Variants in CMSS1 observed in about 807,000 individuals in gnomAD.
CMSS1 encodes the protein cms1 ribosomal small subunit homolog, also known as protein CMSS1.
CMSS1 carries 33 observed loss-of-function variants against 43.5 expected under a neutral mutation model. That is an observed-to-expected ratio of 0.76 (90% CI 0.57 to 1.01). The LOEUF is 1.01. Among genes scored for constraint, CMSS1 ranks in the 50% least tolerant of loss-of-function variants. CMSS1 has a pLI of 0.00. For missense variants in CMSS1, 313 were observed against 326.4 expected (o/e 0.96, Z 0.32); for synonymous variants, 115 against 117.2 (o/e 0.98, Z 0.12).
intron 1 of CMSS1, among the ~76,000 whole-genome samples, chr3:100,080,903 G>T: frequency 6.6e-6 from 1 of 152,188 alleles, no homozygotes; most frequent in South Asian, 2.1e-4. Flanking sequence ...TTTGAAACCA[G>T]CCCATGGTTC....
At chr3:100,081,356 C>T (rs2065929153) in intron 1 of CMSS1, among the ~76,000 whole-genome samples, 1 of 152,174 alleles carries the variant, frequency 6.6e-6, no homozygotes, top group African/African-American at 2.4e-5. Flanking sequence ...CACTGATGGT[C>T]AGTTTATGCT....
intron 2 of CMSS1, among the ~76,000 whole-genome samples, chr3:100,150,287 G>C (rs1390309119): frequency 6.6e-6 from 1 of 152,078 alleles, no homozygotes; most frequent in East Asian, 1.9e-4. Flanking sequence ...GCTCTTATTT[G>C]GCAGATATGA....
chr3:99,827,388 C>T (rs570221616), intron 1 of CMSS1, among the ~76,000 whole-genome samples: 7 of 152,014 alleles, frequency 4.6e-5, no homozygotes, highest in Admixed American at 2.6e-4. Context: ...GATGGAATTT[C>T]GCCATGTTGA....
At chr3:99,860,377 G>C (rs1418429655) in intron 1 of CMSS1, among the ~76,000 whole-genome samples, 1 of 152,134 alleles carries the variant, frequency 6.6e-6, no homozygotes, top group Non-Finnish European at 1.5e-5. Flanking sequence ...TAAGGAGCTT[G>C]GTAGCTTTTA....
At chr3:100,009,516 C>T (rs546165120) in intron 1 of CMSS1, among the ~76,000 whole-genome samples, 4 of 152,038 alleles carry the variant, frequency 2.6e-5, no homozygotes, top group Non-Finnish European at 5.9e-5. Context: ...GGGAAACTTT[C>T]GTCACCTCCA....
chr3:99,949,893 T>C (rs1034116192), intron 1 of CMSS1, among the ~76,000 whole-genome samples: 1 of 152,174 alleles, frequency 6.6e-6, no homozygotes, highest in African/African-American at 2.4e-5. Flanking sequence ...TAATCAGCTG[T>C]GTGTGTGTTA....
Position 100,159,506 on chromosome 3 carries a change from A to G in CMSS1, c.154-924A>G, listed in dbSNP as rs182143630. On this transcript the variant is annotated intron_variant, in intron 2 of 9. Transcript: ENST00000421999. Reference sequence around the variant, plus strand: ...ACAAGATTGCTTTAGTTAGTAGCTTATCAGTTTAAACTGAGTATTCTCTGG... The same window carrying G: ...ACAAGATTGCTTTAGTTAGTAGCTTGTCAGTTTAAACTGAGTATTCTCTGG... Among the ~76,000 whole-genome samples, 245 of 152,338 alleles carry G rather than the reference A, an allele frequency of 1.6e-3. 1 individual carries two copies. The highest frequency in any genetic ancestry group is 0.014 in the Middle Eastern group (4 of 294).
intron 1 of CMSS1, among the ~76,000 whole-genome samples, chr3:99,998,174 A>G (rs1395647919): frequency 1.3e-5 from 2 of 152,232 alleles, no homozygotes; most frequent in Non-Finnish European, 2.9e-5. Flanking sequence ...CTGAAAAGTT[A>G]TTAATGGCAA....
At chr3:99,828,614 C>CT (rs34266466) in intron 1 of CMSS1, among the ~76,000 whole-genome samples, 7,747 of 132,990 alleles carry the variant, frequency 0.058, 291 homozygotes, top group Non-Finnish European at 0.082. Flanking sequence ...CCACACCTGG[C>CT]TTTTTTTTTT....
chr3:99,849,829 G>C, intron 1 of CMSS1: 1 of 1,611,222 alleles, frequency 6.2e-7, no homozygotes, highest in African/African-American at 1.3e-5. Context: ...GTGTAATGCT[G>C]TTGTGGATTT....
chr3:100,053,522 C>T (rs545995688), intron 1 of CMSS1, among the ~76,000 whole-genome samples: 2 of 152,258 alleles, frequency 1.3e-5, no homozygotes, highest in South Asian at 4.1e-4. Context: ...TGGATTGGGG[C>T]CTACCCTAAT....
intron 1 of CMSS1, chr3:99,930,685 T>C (rs182910350): frequency 1.9e-5 from 27 of 1,436,972 alleles, no homozygotes; most frequent in African/African-American, 4.2e-5. Flanking sequence ...ACCACAGATA[T>C]CTATTTCTGT....
chr3:100,055,147 C>T (rs2065443200), intron 1 of CMSS1, among the ~76,000 whole-genome samples: 1 of 152,174 alleles, frequency 6.6e-6, no homozygotes, highest in South Asian at 2.1e-4. Context: ...CTCAGCAGCT[C>T]CTATCCCAAT....
chr3:100,024,511 C>A (rs1248612508), intron 1 of CMSS1, among the ~76,000 whole-genome samples: 1 of 152,104 alleles, frequency 6.6e-6, no homozygotes, highest in African/African-American at 2.4e-5. Flanking sequence ...TTAGACTATT[C>A]AATGTACCTT....
rs534702049 is a variant in CMSS1, at chr3:100,085,709, T to C, written c.65-61264T>C. On this transcript the variant is annotated intron_variant, in intron 1 of 9. Transcript: ENST00000421999. ...CTGAAGTACTCTTCAGCCACTGCAGTGTTCTGTCATTTTTGTCTGTCATCT... is the reference window on the plus strand; with the variant it reads ...CTGAAGTACTCTTCAGCCACTGCAGCGTTCTGTCATTTTTGTCTGTCATCT... 3.5e-4 allele frequency among the ~76,000 whole-genome samples: 54 copies of C among 152,282 alleles called. No homozygotes were observed. In the South Asian group the frequency reaches 0.011, roughly 32 times the overall value.
chr3:99,879,683 C>A (rs1410817245), intron 1 of CMSS1, among the ~76,000 whole-genome samples: 1 of 152,150 alleles, frequency 6.6e-6, no homozygotes, highest in Non-Finnish European at 1.5e-5. Context: ...CGCTCTGCTC[C>A]CTAGGAGCTC....
chr3:99,998,626 G>C (rs573468476), intron 1 of CMSS1, among the ~76,000 whole-genome samples: 68 of 152,214 alleles, frequency 4.5e-4, no homozygotes, highest in African/African-American at 1.4e-3. Context: ...GCAGTGGTGC[G>C]ATCTCGGCTC....
intron 1 of CMSS1, among the ~76,000 whole-genome samples, chr3:99,944,660 G>T (rs1329426719): frequency 2.0e-5 from 3 of 152,216 alleles, no homozygotes; most frequent in Non-Finnish European, 4.4e-5. Flanking sequence ...GGCAGAACAG[G>T]AATTCAAACT....
Position 100,142,358 on chromosome 3 carries a change from T to C in CMSS1, c.65-4615T>C, listed in dbSNP as rs1002441240. The stretch of plus-strand genomic sequence containing the variant: ...ACTTTTTTCTCTTGTCATTATTCCA[T>C]AAACAATACAGTGTAAGAACTCTAT... On this transcript the variant is annotated intron_variant, in intron 1 of 9. Coordinates refer to ENST00000421999, the MANE Select transcript of CMSS1 (RefSeq NM_032359.4). 1.6e-4 allele frequency among the ~76,000 whole-genome samples: 24 copies of C among 152,342 alleles called. 1 individual carries two copies. The highest frequency in any genetic ancestry group is 8.3e-4 in the South Asian group (4 of 4,830).
Sources: gnomAD v4.1 joint callset for allele counts (sites outside exome capture counted in the v4.1 genomes callset) on GRCh38, gnomAD v4.1.1 for gene constraint, MANE v1.5 for transcripts, NCBI Gene and HGNC (gene_info 2026-07-23, HGNC 2026-07-21) for gene names.